The following ALX3 variants were observed in gnomAD, a reference collection of about 807,000 sequenced individuals.
ALX3 encodes the protein homeobox protein aristaless-like 3.
A neutral mutation model predicts 26.3 loss-of-function variants in ALX3; 17 were observed. The observed-to-expected ratio is 0.65, with a 90% CI of 0.44 to 0.97. The LOEUF is 0.97. Ranked by LOEUF, ALX3 falls within the 50% of genes least tolerant of loss-of-function variation. The pLI, the probability that ALX3 is intolerant of heterozygous loss-of-function variation, is 0.00. For synonymous variants in ALX3, 208 were observed against 201.4 expected, an observed-to-expected ratio of 1.03 and a Z score of -0.28; for missense variants, 461 against 466.5, an observed-to-expected ratio of 0.99 and a Z score of 0.11.
chr1:110,061,718 A>T, intron 2 of ALX3, 155 bp from the exon 3 acceptor site: 1 of 1,233,994 alleles, frequency 8.1e-7, no homozygotes, highest in Non-Finnish European at 1.1e-6. Context: ...TCTCCAGGCC[A>T]GGGAAGCCTG....
intron 1 of ALX3, among the ~76,000 whole-genome samples, chr1:110,067,877 C>A (rs1653826199): frequency 6.6e-6 from 1 of 152,028 alleles, no homozygotes; most frequent in Non-Finnish European, 1.5e-5. Flanking sequence ...AGCCTCAGCC[C>A]GGGTCTAAGA....
At chr1:110,067,218 A>G (rs771603712) in intron 1 of ALX3, among the ~76,000 whole-genome samples, 14 of 152,362 alleles carry the variant, frequency 9.2e-5, no homozygotes, top group Non-Finnish European at 1.6e-4. Flanking sequence ...CAGGCCAGGA[A>G]TAGCAGCCAG....
chr1:110,060,740 G>A lies in ALX3; in HGVS notation c.1025C>T (p.Thr342Ile). The change falls in exon 4 of 4, where the codon ACC (threonine) becomes ATC (isoleucine). Residue 342 changes from threonine (T) to isoleucine (I), a missense_variant. Thr to Ile is a moderately conservative substitution (Grantham distance 89). Around this residue, in one of 3 missense-constraint regions of ALX3, gnomAD observed 169 missense variants for 178.0 expected, o/e 0.95. Transcript: ENST00000647563. ...GCAGGTCCATGCAACCGATCACGTG[G>A]TCCAGTTCAGAAGGCCGGGTGGCTC... is the stretch of plus-strand genomic sequence containing the variant. Reference protein sequence around the residue: ...PKEPPGLLNWTT With the variant: ...PKEPPGLLNWIT 6.7e-7 allele frequency: 1 copy of A among 1,495,258 alleles called. No individual in the cohort carries two copies. Among genetic ancestry groups the A allele is most frequent in the Non-Finnish European group, 8.9e-7 (1 of 1,120,232 alleles). 92.6% of individuals were successfully genotyped at this position (1,495,258 alleles called of 1,614,324 possible). A position where few individuals can be genotyped will look rare whatever the true frequency, so the allele number is the denominator to read the frequency against.
At chr1:110,069,963 G>A (rs1653878369) in intron 1 of ALX3, among the ~76,000 whole-genome samples, 1 of 152,186 alleles carries the variant, frequency 6.6e-6, no homozygotes. Context: ...CACAGCCCTC[G>A]GCCGGGTCTG....
intron 3 of ALX3, 125 bp downstream of exon 3, chr1:110,061,310 A>C: frequency 7.0e-7 from 1 of 1,425,356 alleles, no homozygotes. Context: ...TTGCAGAGAA[A>C]GAAGTGAAGT....
At chr1:110,067,495 C>G (rs1036232658) in intron 1 of ALX3, among the ~76,000 whole-genome samples, 4 of 152,340 alleles carry the variant, frequency 2.6e-5, no homozygotes, top group Middle Eastern at 3.4e-3. Flanking sequence ...TGACCCAGCT[C>G]TCAGGCCTGC....
intron 1 of ALX3, 97 bp from the exon 2 acceptor site, chr1:110,065,000 C>G: frequency 8.1e-7 from 1 of 1,232,104 alleles, no homozygotes; most frequent in Non-Finnish European, 1.1e-6. Context: ...GCCTCAGTCT[C>G]CGCCTCCCCC....
chr1:110,066,193 A>G (rs1325610961), intron 1 of ALX3, among the ~76,000 whole-genome samples: 1 of 152,222 alleles, frequency 6.6e-6, no homozygotes, highest in Non-Finnish European at 1.5e-5. Flanking sequence ...ACTGTGAAGG[A>G]CAAATGGGGC....
intron 1 of ALX3, 79 bp from the exon 2 acceptor site, chr1:110,064,982 A>G: frequency 7.4e-7 from 1 of 1,356,106 alleles, no homozygotes; most frequent in East Asian, 2.4e-5. Flanking sequence ...AGGGGGAAGA[A>G]CATTGACGCC....
intron 1 of ALX3, 132 bp downstream of exon 1, chr1:110,070,204 G>T: frequency 9.5e-7 from 1 of 1,054,224 alleles, no homozygotes; most frequent in Non-Finnish European, 1.2e-6. Flanking sequence ...GGAAGCCGTG[G>T]CGAAAGGCGA....
At position 110,061,115 on chromosome 1, in the gene ALX3, T is replaced by C. The variant is rs889161040; in HGVS notation, c.724-74A>G. The C allele has an allele frequency of 2.6e-6, 4 of 1,523,716 alleles. No homozygotes were observed. In the African/African-American group the frequency reaches 5.5e-5, roughly 21 times the overall value. The allele number at this position is 1,523,716 out of a possible 1,614,324, so 94.4% of individuals were successfully genotyped here. Reference sequence around the variant, plus strand: ...GACTTCCCTACCCAGGGGCTTTCTCTTTGTCCTTGGGGCCCCAGAAACTTT... The same window carrying C: ...GACTTCCCTACCCAGGGGCTTTCTCCTTGTCCTTGGGGCCCCAGAAACTTT... On this transcript the variant is annotated intron_variant, in intron 3 of 3. Transcript: ENST00000647563.
At position 110,060,630 on chromosome 1, in the gene ALX3, G is replaced by T; in HGVS notation, c.*103C>A. 2.8e-6 allele frequency: 1 copy of T among 362,726 alleles called. No individual in the cohort carries two copies. The highest frequency in any genetic ancestry group is 3.5e-6 in the Non-Finnish European group (1 of 282,284). 22.5% of individuals were successfully genotyped at this position (362,726 alleles called of 1,614,324 possible). A position where few individuals can be genotyped will look rare whatever the true frequency, so the allele number is the denominator to read the frequency against. On this transcript the variant is annotated 3_prime_UTR_variant, in exon 4 of 4. Coordinates refer to ENST00000647563, the MANE Select transcript of ALX3 (RefSeq NM_006492.3). ...GGGGCTGACAGTGCCAGCTGCTCTC[G>T]CAGCCTCCAGAACCATCTGGGGCTT... is the stretch of plus-strand genomic sequence containing the variant.
At chr1:110,061,067 A>G in intron 3 of ALX3, 26 bp from the exon 4 acceptor site, 6 of 1,586,116 alleles carry the variant, frequency 3.8e-6, no homozygotes, top group Non-Finnish European at 5.1e-6. Context: ...AAGAAGGCCC[A>G]TGAGCCTGTA....
chr1:110,066,348 T>G (rs1238270363), intron 1 of ALX3, among the ~76,000 whole-genome samples: 2 of 152,194 alleles, frequency 1.3e-5, no homozygotes, highest in Non-Finnish European at 2.9e-5. Context: ...TACACAGGCC[T>G]GTACACAGGT....
Position 110,070,649 on chromosome 1 carries a change from G to C in ALX3, c.-37C>G, listed in dbSNP as rs1454850648. The C allele has an allele frequency of 1.7e-6, 2 of 1,197,560 alleles. No individual in the cohort carries two copies. The highest frequency in any genetic ancestry group is 3.2e-5 in the African/African-American group (2 of 61,804). 74.2% of individuals were successfully genotyped at this position (1,197,560 alleles called of 1,614,324 possible). ...GCGCACAGGCCTCCGGGGCTCCGGG[G>C]CTCGCGCTGCCCGCGCCGCCTGTGA... On this transcript the variant is annotated 5_prime_UTR_variant, in exon 1 of 4. Coordinates refer to ENST00000647563, the MANE Select transcript of ALX3 (RefSeq NM_006492.3).
intron 1 of ALX3, among the ~76,000 whole-genome samples, chr1:110,068,953 G>A (rs1273998612): frequency 6.6e-6 from 1 of 152,234 alleles, no homozygotes; most frequent in Non-Finnish European, 1.5e-5. Context: ...TGGTCCGGGG[G>A]CCCGAGCTGT....
intron 1 of ALX3, among the ~76,000 whole-genome samples, chr1:110,070,071 C>T (rs1452975374): frequency 6.6e-6 from 1 of 152,158 alleles, no homozygotes; most frequent in African/African-American, 2.4e-5. Flanking sequence ...GACTCCGGGC[C>T]GTCGCCACTG....
Position 110,064,673 on chromosome 1 carries a change from T to TCTCCAGCTC in ALX3, c.499_507dup (p.Glu167_Glu169dup), listed in dbSNP as rs772935573. Reference sequence around the variant, plus strand: ...GGATAGTGGGTTTTCTGGAAGACCTTCTCCAGCTCCTCCAGCTGGAATGTG... The same window carrying TCTCCAGCTC: ...GGATAGTGGGTTTTCTGGAAGACCTTCTCCAGCTCCTCCAGCTCCTCCAGCTGGAATGTG... On this transcript the variant is annotated inframe_insertion, in exon 2 of 4. Coordinates refer to ENST00000647563, the MANE Select transcript of ALX3 (RefSeq NM_006492.3). The TCTCCAGCTC allele has an allele frequency of 6.2e-7, 1 of 1,614,192 alleles. No individual in the cohort carries two copies. Among genetic ancestry groups the TCTCCAGCTC allele is most frequent in the South Asian group, 1.1e-5 (1 of 91,090 alleles).
At chr1:110,061,776 A>G in intron 2 of ALX3, 1 of 675,702 alleles carries the variant, frequency 1.5e-6, no homozygotes, top group Non-Finnish European at 2.4e-6. Flanking sequence ...AATTGGCCCC[A>G]TGGGCCTCCA....
Sources: gnomAD v4.1 joint callset for allele counts (sites outside exome capture counted in the v4.1 genomes callset) on GRCh38, gnomAD v4.1.1 for gene constraint, gnomAD v4.1.1 regional missense constraint, MANE v1.5 for transcripts, NCBI Gene and HGNC (gene_info 2026-07-23, HGNC 2026-07-21) for gene names.